NRG1: variants seen among roughly 807,000 people sequenced by gnomAD.
The protein encoded by NRG1 is neuregulin 1.
A neutral mutation model predicts 63.8 loss-of-function variants in NRG1; 18 were observed. The ratio of observed to expected loss-of-function variants is 0.28; its 90% CI spans 0.19 to 0.42. NRG1 has a LOEUF of 0.42. NRG1 is among the 10% of genes least tolerant of loss of function. The pLI is 1.00. For missense variants in NRG1, 762 were observed against 814.7 expected (o/e 0.94, Z 0.79); for synonymous variants, 302 against 301.3 (o/e 1.00, Z -0.02).
At chr8:32,053,924 T>C (rs1390895723) in intron 1 of NRG1, among the ~76,000 whole-genome samples, 1 of 152,228 alleles carries the variant, frequency 6.6e-6, no homozygotes, top group Non-Finnish European at 1.5e-5. Flanking sequence ...TCCATTTTTC[T>C]AATTTTCATT....
At chr8:32,312,153 GTTTGTTTTTTT>G (rs1856876031) in intron 1 of NRG1, among the ~76,000 whole-genome samples, 1 of 98,206 alleles carries the variant, frequency 1.0e-5, no homozygotes, top group South Asian at 4.1e-4. Context: ...ATTTGACCTT[GTTTGTTTTTTT>G]TTTTTTTTTT....
chr8:32,140,547 C>A (rs1836114686), intron 1 of NRG1, among the ~76,000 whole-genome samples: 1 of 151,928 alleles, frequency 6.6e-6, no homozygotes, highest in South Asian at 2.1e-4. Flanking sequence ...AATGCAGTCT[C>A]AAGCTCCTGG....
intron 1 of NRG1, among the ~76,000 whole-genome samples, chr8:31,805,012 T>G (rs1194316065): frequency 6.6e-6 from 1 of 152,240 alleles, no homozygotes; most frequent in Non-Finnish European, 1.5e-5. Flanking sequence ...TAGTTTGCTT[T>G]TTAGCAGAAT....
At chr8:32,357,048 T>A (rs561539286) in intron 1 of NRG1, among the ~76,000 whole-genome samples, 1 of 152,328 alleles carries the variant, frequency 6.6e-6, no homozygotes, top group African/African-American at 2.4e-5. Flanking sequence ...CTGTTTCTTA[T>A]GACTACAGTT....
chr8:32,714,739 A>G (rs1203586083), intron 5 of NRG1, among the ~76,000 whole-genome samples: 2 of 152,162 alleles, frequency 1.3e-5, no homozygotes, highest in Non-Finnish European at 2.9e-5. Context: ...TTTTTCCAGG[A>G]AAGGAAAGCC....
At chr8:32,649,302 T>G (rs1854463395) in intron 5 of NRG1, among the ~76,000 whole-genome samples, 1 of 152,134 alleles carries the variant, frequency 6.6e-6, no homozygotes, top group Non-Finnish European at 1.5e-5. Flanking sequence ...GCAATAGCTT[T>G]AGAGTGGAAA....
intron 1 of NRG1, among the ~76,000 whole-genome samples, chr8:31,996,486 C>T (rs939601076): frequency 6.6e-6 from 1 of 151,928 alleles, no homozygotes; most frequent in African/African-American, 2.4e-5. Context: ...AATCCCAACA[C>T]TTTGGGAGGC....
At chr8:32,139,875 C>A (rs1166793019) in intron 1 of NRG1, among the ~76,000 whole-genome samples, 1 of 152,172 alleles carries the variant, frequency 6.6e-6, no homozygotes, top group Non-Finnish European at 1.5e-5. Context: ...TTTGGGGATA[C>A]AAAGTAGCTT....
chr8:32,147,811 T>G (rs571672700), intron 1 of NRG1, among the ~76,000 whole-genome samples: 2 of 152,352 alleles, frequency 1.3e-5, no homozygotes, highest in East Asian at 3.9e-4. Flanking sequence ...AGGTGTTCAC[T>G]GAACTACTAA....
At chr8:32,415,153 A>G (rs1815686353) in intron 1 of NRG1, among the ~76,000 whole-genome samples, 1 of 152,094 alleles carries the variant, frequency 6.6e-6, no homozygotes, top group Non-Finnish European at 1.5e-5. Flanking sequence ...GATGTGTATA[A>G]TCCCAGCACT....
At chr8:31,795,434 TGAAA>T (rs1182360410) in intron 1 of NRG1, among the ~76,000 whole-genome samples, 1 of 152,204 alleles carries the variant, frequency 6.6e-6, no homozygotes, top group Non-Finnish European at 1.5e-5. Flanking sequence ...TGATTGCAGT[TGAAA>T]GACACAGCAA....
chr8:32,547,310 T>G (rs1009091549), upstream of NRG1, among the ~76,000 whole-genome samples: 6 of 152,100 alleles, frequency 3.9e-5, no homozygotes, highest in Non-Finnish European at 8.8e-5. Flanking sequence ...CAGTTCTGAG[T>G]AAAGTTTGAA....
intron 5 of NRG1, among the ~76,000 whole-genome samples, chr8:32,661,324 T>C (rs1266452425): frequency 1.3e-5 from 2 of 152,236 alleles, no homozygotes; most frequent in Non-Finnish European, 2.9e-5. Context: ...TGCTATCATT[T>C]TACCAAGACA....
intron 1 of NRG1, among the ~76,000 whole-genome samples, chr8:31,681,734 TCACA>T (rs146185342): frequency 5.4e-5 from 8 of 149,404 alleles, no homozygotes; most frequent in African/African-American, 2.0e-4. Flanking sequence ...TTATATATAT[TCACA>T]CACACACACA....
chr8:32,500,957 ACTGTGTCCAGTGTTATAAT>A (rs1827783290), intron 1 of NRG1, among the ~76,000 whole-genome samples: 1 of 152,182 alleles, frequency 6.6e-6, no homozygotes, highest in African/African-American at 2.4e-5. Flanking sequence ...GGAAATCCTT[ACTGTGTCCAGTGTTATAAT>A]CTTGAAGTTA....
intron 1 of NRG1, among the ~76,000 whole-genome samples, chr8:31,826,488 G>A (rs769274517): frequency 2.6e-5 from 4 of 152,216 alleles, no homozygotes; most frequent in African/African-American, 7.2e-5. Flanking sequence ...TTCGTCTTCC[G>A]CCATAATTGT....
rs112578267 is a variant in NRG1, at chr8:32,647,134, G to T, written c.502+30249G>T. 3.7e-5 allele frequency: 36 copies of T among 985,338 alleles called. No homozygotes were observed. The East Asian group carries it at 3.9e-3, about 106-fold the overall frequency. The allele number at this position is 985,338 out of a possible 1,614,324, so 61.0% of individuals were successfully genotyped here. On this transcript the variant is annotated intron_variant, in intron 5 of 11. Transcript: ENST00000356819. ...CTGATCCTGTTTGCAGTGATGCTCC[G>T]AGGGCAGGCACCTGCTGCTCTGTAA... is the stretch of plus-strand genomic sequence containing the variant.
chr8:32,649,804 A>C (rs1455022527), intron 5 of NRG1, among the ~76,000 whole-genome samples: 1 of 152,214 alleles, frequency 6.6e-6, no homozygotes, highest in African/African-American at 2.4e-5. Flanking sequence ...CTGAAGCATC[A>C]TTAAAGGTCT....
chr8:32,040,973 G>T (rs985806261), intron 1 of NRG1, among the ~76,000 whole-genome samples: 2 of 151,214 alleles, frequency 1.3e-5, no homozygotes, highest in Non-Finnish European at 2.9e-5. Flanking sequence ...CCTTCTTACT[G>T]TTGATGTTCT....
Sources: allele counts gnomAD v4.1 joint callset (sites outside exome capture counted in the v4.1 genomes callset), GRCh38; gene constraint gnomAD v4.1.1; transcripts MANE v1.5; gene names NCBI Gene and HGNC (gene_info 2026-07-23, HGNC 2026-07-21).